Variants in MRTFB observed in about 807,000 individuals in gnomAD.
MRTFB encodes myocardin-related transcription factor B.
A neutral mutation model predicts 104.2 loss-of-function variants in MRTFB; 29 were observed. The observed-to-expected ratio is 0.28, with a 90% CI of 0.21 to 0.38. The LOEUF is 0.38. Ranked by LOEUF, MRTFB falls within the 10% of genes least tolerant of loss-of-function variation. The pLI is 1.00. For synonymous variants in MRTFB, 535 were observed against 519.5 expected, an observed-to-expected ratio of 1.03 and a Z score of -0.41; for missense variants, 1,270 against 1,341.6, an observed-to-expected ratio of 0.95 and a Z score of 0.83.
intron 3 of MRTFB, among the ~76,000 whole-genome samples, chr16:14,182,258 G>T (rs997271944): frequency 1.3e-5 from 2 of 152,192 alleles, no homozygotes; most frequent in African/African-American, 2.4e-5. Flanking sequence ...GGGGAGGCAG[G>T]CCAGTGTAGA....
At chr16:14,136,881 G>A (rs1349171092) in intron 2 of MRTFB, among the ~76,000 whole-genome samples, 1 of 151,984 alleles carries the variant, frequency 6.6e-6, no homozygotes, top group East Asian at 1.9e-4. Context: ...TTTACTTAAT[G>A]CTGGATAAAT....
chr16:14,231,788 T>TA (rs1265336669), intron 8 of MRTFB, among the ~76,000 whole-genome samples: 8 of 152,208 alleles, frequency 5.3e-5, no homozygotes, highest in Non-Finnish European at 7.3e-5. Context: ...GACCCCTTGA[T>TA]ACGGTCTAAG....
the MRTFB span, among the ~76,000 whole-genome samples, chr16:13,996,579 CA>C: frequency 6.6e-6 from 1 of 152,162 alleles, no homozygotes; most frequent in African/African-American, 2.4e-5. Context: ...CAGCAGTGAG[CA>C]AAAGAGATTG....
chr16:14,054,217 T>A, the MRTFB span, among the ~76,000 whole-genome samples: 4 of 152,118 alleles, frequency 2.6e-5, no homozygotes, highest in Admixed American at 1.3e-4. Context: ...TTTTTAATTT[T>A]ATTTTATTAT....
chr16:14,204,403 T>G (rs1187038872), intron 3 of MRTFB, among the ~76,000 whole-genome samples: 1 of 152,184 alleles, frequency 6.6e-6, no homozygotes. Context: ...CTAGACAAAT[T>G]CTAAAAGAGC....
At position 14,166,561 on chromosome 16, in the gene MRTFB, A is replaced by G. The variant is rs891818621; in HGVS notation, c.154+25801A>G. On this transcript the variant is annotated intron_variant, in intron 3 of 16. Transcript: ENST00000571589. ...TGCAGGATGTGTCAGTTTGTTACAT[A>G]GGTAAATGTGCACCATGGTGGTTTG... 2.6e-5 allele frequency among the ~76,000 whole-genome samples: 4 copies of G among 152,136 alleles called. No homozygotes were observed. The South Asian group carries it at 8.3e-4, about 31-fold the overall frequency.
In MRTFB at chr16:14,114,556, G is replaced by A. The variant is rs1245659517; in HGVS notation, c.-63-25988G>A. On this transcript the variant is annotated intron_variant, in intron 2 of 16. Coordinates refer to ENST00000571589, the MANE Select transcript of MRTFB (RefSeq NM_001308142.2). ...GTTTCCTGCCTGCACTTGAGGCTGC[G>A]TTCCACCATGCTTGTGCTGGCTCTG... 3.3e-5 allele frequency among the ~76,000 whole-genome samples: 5 copies of A among 152,218 alleles called. No homozygotes were observed. The East Asian group carries it at 7.7e-4, about 24-fold the overall frequency.
At chr16:14,119,515 C>G (rs1035263255) in intron 2 of MRTFB, among the ~76,000 whole-genome samples, 4 of 152,050 alleles carry the variant, frequency 2.6e-5, no homozygotes, top group African/African-American at 9.7e-5. Context: ...GAGAGATTGA[C>G]CAAAACTTTA....
At chr16:14,205,284 C>G (rs1329058822) in intron 3 of MRTFB, among the ~76,000 whole-genome samples, 1 of 151,942 alleles carries the variant, frequency 6.6e-6, no homozygotes, top group Non-Finnish European at 1.5e-5. Flanking sequence ...ATAAAAATGC[C>G]TGGGACCCAG....
chr16:14,193,557 C>T (rs987926569), intron 3 of MRTFB: 4 of 152,374 alleles, frequency 2.6e-5, no homozygotes, highest in African/African-American at 9.6e-5. Context: ...TGTATCATCA[C>T]TATTATTTTA....
chr16:14,014,514 C>A, the MRTFB span, among the ~76,000 whole-genome samples: 30 of 151,772 alleles, frequency 2.0e-4, no homozygotes, highest in Admixed American at 6.6e-4. Context: ...AGTGATTGCG[C>A]CACTGCGCTC....
the MRTFB span, among the ~76,000 whole-genome samples, chr16:14,008,166 G>A: frequency 6.6e-6 from 1 of 151,962 alleles, no homozygotes; most frequent in African/African-American, 2.4e-5. Flanking sequence ...AGGATTTCAA[G>A]TCCAGCCTGG....
At chr16:13,994,842 A>G in the MRTFB span, among the ~76,000 whole-genome samples, 2 of 152,312 alleles carry the variant, frequency 1.3e-5, no homozygotes, top group Non-Finnish European at 2.9e-5. Context: ...GCCAGAGCCT[A>G]CAACTCTGAG....
At chr16:14,059,445 G>C in the MRTFB span, among the ~76,000 whole-genome samples, 23 of 152,072 alleles carry the variant, frequency 1.5e-4, no homozygotes, top group African/African-American at 5.3e-4. Context: ...TGAGTATTCA[G>C]GTGGTCATGG....
At chr16:14,045,636 T>C in the MRTFB span, among the ~76,000 whole-genome samples, 1 of 152,238 alleles carries the variant, frequency 6.6e-6, no homozygotes, top group East Asian at 1.9e-4. Context: ...ATCCAATTGC[T>C]TGGATTCACA....
intron 3 of MRTFB, among the ~76,000 whole-genome samples, chr16:14,207,124 A>T (rs1026088788): frequency 6.6e-6 from 1 of 152,170 alleles, no homozygotes; most frequent in Non-Finnish European, 1.5e-5. Context: ...GCTCTAAATA[A>T]ATGAATGTGC....
chr16:14,145,216 G>A (rs1233672619), intron 3 of MRTFB, among the ~76,000 whole-genome samples: 1 of 151,510 alleles, frequency 6.6e-6, no homozygotes, highest in Non-Finnish European at 1.5e-5. Flanking sequence ...CAAAATGCAG[G>A]TGTTGGCATC....
At chr16:14,113,163 C>G (rs1051886520) in intron 2 of MRTFB, among the ~76,000 whole-genome samples, 1 of 152,178 alleles carries the variant, frequency 6.6e-6, no homozygotes, top group Non-Finnish European at 1.5e-5. Flanking sequence ...CTCACCTCAA[C>G]CTCCCAAGTA....
chr16:14,256,985 G>A (rs938676904), intron 15 of MRTFB, among the ~76,000 whole-genome samples: 2 of 152,188 alleles, frequency 1.3e-5, no homozygotes, highest in Non-Finnish European at 2.9e-5. Flanking sequence ...AGCACTTGAA[G>A]AGATGCTCAA....
Sources: allele counts gnomAD v4.1 joint callset (sites outside exome capture counted in the v4.1 genomes callset), GRCh38; gene constraint gnomAD v4.1.1; transcripts MANE v1.5; gene names NCBI Gene and HGNC (gene_info 2026-07-23, HGNC 2026-07-21).